Variants in ARHGAP39 observed in about 807,000 individuals in gnomAD.
The protein encoded by ARHGAP39 is Rho GTPase activating protein 39.
Under a neutral mutation model 106.9 loss-of-function variants are expected in ARHGAP39, and 44 were observed. That is an observed-to-expected ratio of 0.41 (90% CI 0.32 to 0.53). The LOEUF (loss-of-function observed/expected upper bound fraction) is 0.53, where lower values mean the gene tolerates loss of function less well. Among genes scored for constraint, ARHGAP39 ranks in the 20% least tolerant of loss-of-function variants. The pLI is 0.21. For missense variants in ARHGAP39, 1,496 were observed against 1,577.3 expected, an observed-to-expected ratio of 0.95 and a Z score of 0.87; for synonymous variants, 768 against 693.2, an observed-to-expected ratio of 1.11 and a Z score of -1.69.
In ARHGAP39 at chr8:144,581,077, C is replaced by T. The variant is rs1349551806; in HGVS notation, c.281G>A (p.Arg94Gln). The part of the protein sequence containing the change: ...NASTQRTVWH[R>Q]PQGCDIIPLA... ...CGGGATGATGTCGCAGCCCTGCGGC[C>T]GGTGCCACACCGTGCGCTGCGTGCT... The change falls in exon 3 of 12, where the codon CGG becomes CAG. Residue 94 changes from arginine to glutamine, a missense_variant. This residue lies in a region of ARHGAP39 where 25 missense variants were observed against 48.0 expected (regional missense o/e 0.52). Coordinates refer to ENST00000377307, the MANE Select transcript of ARHGAP39 (RefSeq NM_025251.3). 12 of 1,588,822 alleles carry T rather than the reference C, an allele frequency of 7.6e-6. No individual in the cohort carries two copies. The highest frequency in any genetic ancestry group is 1.0e-5 in the Non-Finnish European group (12 of 1,168,606).
intron 3 of ARHGAP39, among the ~76,000 whole-genome samples, chr8:144,579,199 C>G (rs529411649): frequency 0.021 from 1,600 of 74,938 alleles, 16 homozygotes; most frequent in Non-Finnish European, 0.027. Flanking sequence ...GAGACTCTGT[C>G]TCAAAAAAAA....
At chr8:144,582,570 C>T (rs1341300793) in intron 2 of ARHGAP39, among the ~76,000 whole-genome samples, 1 of 152,252 alleles carries the variant, frequency 6.6e-6, no homozygotes, top group Non-Finnish European at 1.5e-5. Context: ...CTGTTTGCTC[C>T]TCTGTGTTTG....
intron 2 of ARHGAP39, among the ~76,000 whole-genome samples, chr8:144,600,192 T>G (rs1335550127): frequency 6.6e-6 from 1 of 150,676 alleles, no homozygotes; most frequent in Non-Finnish European, 1.5e-5. Context: ...CTTGTGTACC[T>G]ACCTGCGTGT....
At chr8:144,575,702 T>A (rs1818746389) in intron 3 of ARHGAP39, among the ~76,000 whole-genome samples, 2 of 152,018 alleles carry the variant, frequency 1.3e-5, no homozygotes, top group African/African-American at 4.8e-5. Context: ...CGCTAAATGA[T>A]AAAAACTATG....
intron 2 of ARHGAP39, among the ~76,000 whole-genome samples, chr8:144,596,941 G>C (rs1162805402): frequency 6.6e-6 from 1 of 152,186 alleles, no homozygotes; most frequent in Admixed American, 6.5e-5. Flanking sequence ...CAGGCACATC[G>C]TGCTCTCCTG....
intron 3 of ARHGAP39, among the ~76,000 whole-genome samples, chr8:144,559,243 G>A (rs1818054548): frequency 6.7e-6 from 1 of 150,266 alleles, no homozygotes; most frequent in African/African-American, 2.4e-5. Context: ...CTAGCCGGAA[G>A]GGTGACACAT....
chr8:144,645,765 T>C lies in ARHGAP39; in HGVS notation c.-82+39921A>G, dbSNP rs910166113. ...CCTTGGATGGCAGAGGTTTATTTTG[T>C]GTGGAATCCCAACACTAAGGAAAGT... On this transcript the variant is annotated intron_variant, in intron 1 of 11. Transcript: ENST00000377307. This position sits in a 1 kb window ranked among gnomAD's most constrained non-coding sequence, Gnocchi z 4.4. Among the ~76,000 whole-genome samples the C allele has an allele frequency of 1.3e-5, 2 of 152,234 alleles. No homozygotes were observed. The highest frequency in any genetic ancestry group is 2.4e-5 in the African/African-American group (1 of 41,456).
chr8:144,532,648 C>T (rs919608230), intron 9 of ARHGAP39, among the ~76,000 whole-genome samples: 1 of 152,170 alleles, frequency 6.6e-6, no homozygotes, highest in Non-Finnish European at 1.5e-5. Context: ...CCCCTGCTGG[C>T]TCCCTGGGTG....
chr8:144,651,235 A>T (rs1463111169), intron 1 of ARHGAP39, among the ~76,000 whole-genome samples: 1 of 152,204 alleles, frequency 6.6e-6, no homozygotes, highest in Non-Finnish European at 1.5e-5. Context: ...ATTACAAAAC[A>T]CTGCTCAAAG....
chr8:144,587,987 G>A (rs927689828), intron 2 of ARHGAP39, among the ~76,000 whole-genome samples: 2 of 152,220 alleles, frequency 1.3e-5, no homozygotes, highest in African/African-American at 4.8e-5. Context: ...CTCTGAAGGT[G>A]GAAGGCAGCA....
chr8:144,674,933 C>A (rs4424311), intron 1 of ARHGAP39, among the ~76,000 whole-genome samples: 2,156 of 152,248 alleles, frequency 0.014, 56 homozygotes, highest in African/African-American at 0.05. Flanking sequence ...GGCCAGGTAG[C>A]GGGAGGAGGC....
At chr8:144,552,594 T>G (rs1474476658) in intron 4 of ARHGAP39, among the ~76,000 whole-genome samples, 1 of 152,168 alleles carries the variant, frequency 6.6e-6, no homozygotes, top group Non-Finnish European at 1.5e-5. Flanking sequence ...CCAGGCTGCC[T>G]GCCAGGGCGA....
chr8:144,548,606 C>T lies in ARHGAP39; in HGVS notation c.597-117G>A. 3 of 1,357,588 alleles carry T rather than the reference C, an allele frequency of 2.2e-6. No homozygotes were observed. The highest frequency in any genetic ancestry group is 2.9e-6 in the Non-Finnish European group (3 of 1,025,276). The allele number at this position is 1,357,588 out of a possible 1,614,324, so 84.1% of individuals were successfully genotyped here. The stretch of plus-strand genomic sequence containing the variant: ...CGAACCCTCTGTTGTACACCTTCCT[C>T]GCTGGGGCCCTGTGGCCTGGCGCCC... On this transcript the variant is annotated intron_variant, in intron 4 of 11. Coordinates refer to ENST00000377307, the MANE Select transcript of ARHGAP39 (RefSeq NM_025251.3). This position sits in a 1 kb window ranked among gnomAD's most constrained non-coding sequence, Gnocchi z 7.4.
intron 7 of ARHGAP39, 84 bp from the exon 8 acceptor site, chr8:144,534,286 G>T: frequency 6.6e-7 from 1 of 1,504,580 alleles, no homozygotes; most frequent in South Asian, 1.1e-5. Flanking sequence ...CAGCTCCTTC[G>T]AGGGCCCTGG....
At chr8:144,553,672 AG>A (rs1817805523) in intron 4 of ARHGAP39, among the ~76,000 whole-genome samples, 1 of 152,192 alleles carries the variant, frequency 6.6e-6, no homozygotes, top group Non-Finnish European at 1.5e-5. Context: ...GTGACAGGGG[AG>A]GGGCATGAGG....
intron 3 of ARHGAP39, 88 bp downstream of exon 3, chr8:144,580,758 G>GGGGGGGGGGGGGGGGC: frequency 5.4e-6 from 1 of 185,576 alleles, no homozygotes; most frequent in African/African-American, 2.7e-5. Flanking sequence ...CTCTCACCTG[G>GGGGGGGGGGGGGGGGC]CCCCGCCCAC....
intron 10 of ARHGAP39, 62 bp downstream of exon 10, chr8:144,532,243 G>C (rs1816753951): frequency 6.6e-7 from 1 of 1,504,076 alleles, no homozygotes; most frequent in Non-Finnish European, 9.2e-7. Flanking sequence ...CGGAGACAGG[G>C]GCCCCTGAGA....
chr8:144,534,269 G>A, intron 7 of ARHGAP39, 67 bp from the exon 8 acceptor site: 1 of 1,568,676 alleles, frequency 6.4e-7, no homozygotes, highest in South Asian at 1.1e-5. Flanking sequence ...AGAGGGGTGA[G>A]CAGACACAGC....
intron 3 of ARHGAP39, among the ~76,000 whole-genome samples, chr8:144,557,226 C>T (rs1299890736): frequency 6.9e-6 from 1 of 144,640 alleles, no homozygotes; most frequent in Non-Finnish European, 1.5e-5. Flanking sequence ...GCTGAACCTT[C>T]GTAGTATTCA....
Sources: gnomAD v4.1 joint callset for allele counts (sites outside exome capture counted in the v4.1 genomes callset) on GRCh38, gnomAD v4.1.1 for gene constraint, gnomAD v4.1.1 regional missense constraint, Gnocchi (gnomAD v3.1) non-coding constraint, MANE v1.5 for transcripts, NCBI Gene and HGNC (gene_info 2026-07-23, HGNC 2026-07-21) for gene names.